SLC36A1: variants seen among roughly 807,000 people sequenced by gnomAD.
SLC36A1 encodes the protein solute carrier family 36 member 1, also known as proton-coupled amino acid transporter 1.
A neutral mutation model predicts 47.5 loss-of-function variants in SLC36A1; 30 were observed. The ratio of observed to expected loss-of-function variants is 0.63; its 90% confidence interval spans 0.47 to 0.86. SLC36A1 has a LOEUF of 0.86. SLC36A1 is among the 40% of genes least tolerant of loss of function. SLC36A1 has a pLI of 0.00. For missense variants in SLC36A1, 517 were observed against 606.0 expected (o/e 0.85, Z 1.54); for synonymous variants, 255 against 249.7 (o/e 1.02, Z -0.20).
At chr5:151,379,060 G>C in the SLC36A1 span, among the ~76,000 whole-genome samples, 2 of 152,220 alleles carry the variant, frequency 1.3e-5, no homozygotes, top group African/African-American at 2.4e-5. Flanking sequence ...TCTCCCAGGT[G>C]GGGAGGTGCT....
chr5:151,465,182 C>T lies in SLC36A1; in HGVS notation c.419+13C>T. ...CACACTGGGGAAGGTAACTGATTTCCTCCTTCCTTTCAACTGTGGCCTCCC... is the reference window on the plus strand; with the variant it reads ...CACACTGGGGAAGGTAACTGATTTCTTCCTTCCTTTCAACTGTGGCCTCCC... On this transcript the variant is annotated intron_variant, in intron 5 of 10. Transcript: ENST00000243389. 1 of 1,606,896 alleles carries T rather than the reference C, an allele frequency of 6.2e-7. No individual in the cohort carries two copies. The highest frequency in any genetic ancestry group is 8.5e-7 in the Non-Finnish European group (1 of 1,173,316).
intron 10 of SLC36A1, among the ~76,000 whole-genome samples, chr5:151,483,524 G>A (rs1009795649): frequency 4.0e-5 from 6 of 150,034 alleles, no homozygotes; most frequent in Non-Finnish European, 8.9e-5. Flanking sequence ...GTGTGGGGGG[G>A]GTGATTAGGG....
chr5:151,537,194 A>G, the SLC36A1 span, among the ~76,000 whole-genome samples: 5 of 151,472 alleles, frequency 3.3e-5, no homozygotes, highest in Admixed American at 6.6e-5. Context: ...GAAGAGAGAG[A>G]GAGAGAAAGA....
the SLC36A1 span, chr5:151,554,726 C>T: frequency 2.1e-6 from 3 of 1,400,758 alleles, no homozygotes; most frequent in Non-Finnish European, 2.0e-6. Context: ...AAATTAGTGA[C>T]TATGCTTTAA....
At chr5:151,367,007 C>T in the SLC36A1 span, among the ~76,000 whole-genome samples, 1 of 152,046 alleles carries the variant, frequency 6.6e-6, no homozygotes, top group African/African-American at 2.4e-5. Flanking sequence ...AGCAGAACCA[C>T]TAATAAGGGT....
the SLC36A1 span, among the ~76,000 whole-genome samples, chr5:151,420,465 A>G: frequency 1.3e-5 from 2 of 152,184 alleles, no homozygotes; most frequent in South Asian, 4.1e-4. Context: ...GCTGCTTCCC[A>G]GAGACCATGC....
the SLC36A1 span, chr5:151,505,198 T>C: frequency 3.0e-6 from 1 of 336,588 alleles, no homozygotes; most frequent in South Asian, 3.2e-5. Context: ...AGAATGCATC[T>C]TGGTGAAGTT....
intron 10 of SLC36A1, among the ~76,000 whole-genome samples, chr5:151,482,385 A>G (rs1758919528): frequency 1.3e-5 from 2 of 152,076 alleles, no homozygotes; most frequent in Admixed American, 1.3e-4. Flanking sequence ...AAATTCTGTG[A>G]TTCTGTATAG....
chr5:151,492,628 A>C (rs1012369277), downstream of SLC36A1, among the ~76,000 whole-genome samples: 1 of 152,214 alleles, frequency 6.6e-6, no homozygotes, highest in Non-Finnish European at 1.5e-5. Flanking sequence ...AAACTTGAGT[A>C]AGAATTTTCA....
the SLC36A1 span, among the ~76,000 whole-genome samples, chr5:151,523,553 T>G: frequency 6.6e-6 from 1 of 152,162 alleles, no homozygotes; most frequent in Non-Finnish European, 1.5e-5. Context: ...TGCCTCCCAG[T>G]GCATGGAAGT....
At chr5:151,529,477 G>A in the SLC36A1 span, 1 of 1,176,798 alleles carries the variant, frequency 8.5e-7, no homozygotes, top group Non-Finnish European at 1.3e-6. Flanking sequence ...AGCCCTAGGA[G>A]AGGCAGCTCA....
chr5:151,379,385 G>A, the SLC36A1 span, among the ~76,000 whole-genome samples: 1 of 152,388 alleles, frequency 6.6e-6, no homozygotes, highest in Non-Finnish European at 1.5e-5. Flanking sequence ...CCAGGCTGCA[G>A]TGCAATGGCA....
At chr5:151,469,121 C>G (rs1447262816) in intron 7 of SLC36A1, 1 of 446,472 alleles carries the variant, frequency 2.2e-6, no homozygotes, top group Non-Finnish European at 4.0e-6. Flanking sequence ...ATTCAGTTCC[C>G]CAAATAATTC....
At chr5:151,394,346 G>A in the SLC36A1 span, among the ~76,000 whole-genome samples, 1 of 152,180 alleles carries the variant, frequency 6.6e-6, no homozygotes, top group South Asian at 2.1e-4. Context: ...TGATGGGTTT[G>A]AACTTACCCC....
At chr5:151,366,916 G>A in the SLC36A1 span, among the ~76,000 whole-genome samples, 3 of 152,166 alleles carry the variant, frequency 2.0e-5, no homozygotes, top group African/African-American at 7.2e-5. Flanking sequence ...AGACCAGCAA[G>A]TTTTTATTAA....
In SLC36A1 at chr5:151,488,390, G is replaced by A; in HGVS notation, c.*136G>A. On this transcript the variant is annotated 3_prime_UTR_variant, in exon 11 of 11. Coordinates refer to ENST00000243389, the MANE Select transcript of SLC36A1 (RefSeq NM_078483.4). ...GTGGGAACCCCTCTGCCTGGCACCT[G>A]GATACCCTGGGCCAGGTAACCTGAG... is the stretch of plus-strand genomic sequence containing the variant. The A allele has an allele frequency of 8.5e-7, 1 of 1,170,686 alleles. No individual in the cohort carries two copies. Among genetic ancestry groups the A allele is most frequent in the Non-Finnish European group, 1.2e-6 (1 of 845,646 alleles). 72.5% of individuals were successfully genotyped at this position (1,170,686 alleles called of 1,614,324 possible).
At chr5:151,476,279 G>A (rs1332353718) in intron 8 of SLC36A1, among the ~76,000 whole-genome samples, 1 of 152,252 alleles carries the variant, frequency 6.6e-6, no homozygotes, top group African/African-American at 2.4e-5. Flanking sequence ...CTCACTCACA[G>A]GGCAAGGGAC....
At chr5:151,402,584 T>C in the SLC36A1 span, among the ~76,000 whole-genome samples, 6 of 152,170 alleles carry the variant, frequency 3.9e-5, no homozygotes, top group Non-Finnish European at 7.3e-5. Context: ...TCTTTGTACA[T>C]CTAATAGAAT....
chr5:151,554,272 G>T, the SLC36A1 span: 1 of 1,195,948 alleles, frequency 8.4e-7, no homozygotes, highest in Non-Finnish European at 1.2e-6. Flanking sequence ...CCCTTATGCT[G>T]GTGGGCTGTC....
Sources: gnomAD v4.1 joint callset for allele counts (sites outside exome capture counted in the v4.1 genomes callset) on GRCh38, gnomAD v4.1.1 for gene constraint, MANE v1.5 for transcripts, NCBI Gene and HGNC (gene_info 2026-07-23, HGNC 2026-07-21) for gene names.